Variants in SLC35G2 observed in about 807,000 individuals in gnomAD.
SLC35G2 encodes transmembrane protein 22.
Under a neutral mutation model 27.2 loss-of-function variants are expected in SLC35G2, and 20 were observed. The ratio of observed to expected loss-of-function variants is 0.74; its 90% CI spans 0.52 to 1.07. The LOEUF is 1.07. SLC35G2 is among the 50% of genes least tolerant of loss of function. The pLI is 0.00. For missense variants in SLC35G2, 416 were observed against 493.3 expected, an observed-to-expected ratio of 0.84 and a Z score of 1.48; for synonymous variants, 148 against 165.3, an observed-to-expected ratio of 0.90 and a Z score of 0.80.
At position 136,844,524 on chromosome 3, in the gene SLC35G2, C is replaced by T. The variant is rs1470395559; in HGVS notation, c.-18-9919C>T. 2.1e-5 allele frequency among the ~76,000 whole-genome samples: 3 copies of T among 142,518 alleles called. No individual in the cohort carries two copies. The East Asian group carries it at 6.4e-4, about 30-fold the overall frequency. The allele number at this position is 142,518 out of a possible 152,430, so 93.5% of individuals were successfully genotyped here. A position where few individuals can be genotyped will look rare whatever the true frequency, so the allele number is the denominator to read the frequency against. ...AAAAACAACAAATTTGTTGACTGGGCGTGGTGGCTCACACATGTAATCCCA... is the reference window on the plus strand; with the variant it reads ...AAAAACAACAAATTTGTTGACTGGGTGTGGTGGCTCACACATGTAATCCCA... On this transcript the variant is annotated intron_variant, in intron 1 of 1. Coordinates refer to ENST00000446465, the MANE Select transcript of SLC35G2 (RefSeq NM_025246.3).
chr3:136,825,291 C>T (rs1179086408), intron 1 of SLC35G2, among the ~76,000 whole-genome samples: 1 of 144,386 alleles, frequency 6.9e-6, no homozygotes, highest in African/African-American at 2.6e-5. Context: ...TTCTGGCTGG[C>T]GTGCAGTGGT....
chr3:136,837,862 CAAG>C, intron 1 of SLC35G2: 1 of 137,344 alleles, frequency 7.3e-6, no homozygotes, highest in South Asian at 2.3e-4. Flanking sequence ...TTTTTTGAAA[CAAG>C]GTCTTGCTCT....
chr3:136,854,359 C>T, intron 1 of SLC35G2, 84 bp from the exon 2 acceptor site: 1 of 877,718 alleles, frequency 1.1e-6, no homozygotes, highest in Non-Finnish European at 1.7e-6. Context: ...TACTTTCTAT[C>T]ATTGAATTGA....
intron 1 of SLC35G2, among the ~76,000 whole-genome samples, chr3:136,824,560 A>G (rs553202697): frequency 6.6e-6 from 1 of 152,200 alleles, no homozygotes; most frequent in Non-Finnish European, 1.5e-5. Flanking sequence ...TGACTTTTGT[A>G]TGTTGATTTT....
intron 1 of SLC35G2, among the ~76,000 whole-genome samples, chr3:136,852,250 C>A (rs754783256): frequency 6.6e-6 from 1 of 152,104 alleles, no homozygotes; most frequent in Non-Finnish European, 1.5e-5. Context: ...ATGGGACATC[C>A]AGGCTAGGAA....
chr3:136,855,119 A>C lies in SLC35G2; in HGVS notation c.659A>C (p.Tyr220Ser), dbSNP rs1158632183. Residue 220 changes from tyrosine to serine, a missense_variant, in exon 2 of 2, where the codon TAT becomes TCT. Tyr to Ser is a moderately radical substitution (Grantham distance 144). Coordinates refer to ENST00000446465, the MANE Select transcript of SLC35G2 (RefSeq NM_025246.3). ...AFLLVDEKMA[Y>S]VDMATVVCSI... ...TTACTCGTAGATGAGAAAATGGCTT[A>C]TGTTGACATGGCTACAGTTGTTTGC... is the stretch of plus-strand genomic sequence containing the variant. The C allele has an allele frequency of 6.2e-7, 1 of 1,614,172 alleles. No individual in the cohort carries two copies. The highest frequency in any genetic ancestry group is 1.1e-5 in the South Asian group (1 of 91,084).
intron 1 of SLC35G2, among the ~76,000 whole-genome samples, chr3:136,832,459 T>G (rs1936753800): frequency 6.6e-6 from 1 of 152,248 alleles, no homozygotes; most frequent in Non-Finnish European, 1.5e-5. Context: ...ATTCTGATGT[T>G]AAAGCAAATC....
chr3:136,849,112 A>G (rs1937517956), intron 1 of SLC35G2, among the ~76,000 whole-genome samples: 1 of 151,510 alleles, frequency 6.6e-6, no homozygotes, highest in Non-Finnish European at 1.5e-5. Context: ...CCGGAGGTGG[A>G]GGTTGTAGTG....
At chr3:136,834,566 G>GT (rs1936814554) in intron 1 of SLC35G2, among the ~76,000 whole-genome samples, 2 of 152,124 alleles carry the variant, frequency 1.3e-5, no homozygotes. Context: ...CTGACCTCAG[G>GT]TGATCAGCCC....
chr3:136,820,966 A>T (rs936251548), intron 1 of SLC35G2, among the ~76,000 whole-genome samples: 5 of 134,286 alleles, frequency 3.7e-5, no homozygotes, highest in African/African-American at 1.3e-4. Context: ...TAAGAACAAC[A>T]TATAAATAAT....
At chr3:136,852,199 C>T (rs1331948008) in intron 1 of SLC35G2, among the ~76,000 whole-genome samples, 1 of 131,612 alleles carries the variant, frequency 7.6e-6, no homozygotes, top group African/African-American at 2.8e-5. Context: ...AAAGAACAGT[C>T]AGATTAGCCT....
At chr3:136,851,854 A>G (rs1317428039) in intron 1 of SLC35G2, among the ~76,000 whole-genome samples, 3 of 152,218 alleles carry the variant, frequency 2.0e-5, no homozygotes. Flanking sequence ...CTGGGATTCA[A>G]GGGAGGCTAG....
chr3:136,842,412 A>G (rs1937137440), intron 1 of SLC35G2: 1 of 152,244 alleles, frequency 6.6e-6, no homozygotes, highest in African/African-American at 2.4e-5. Context: ...ACAACTTTGC[A>G]GAGATGCTGA....
At chr3:136,822,638 A>G (rs558998126) in intron 1 of SLC35G2, among the ~76,000 whole-genome samples, 13 of 152,112 alleles carry the variant, frequency 8.5e-5, no homozygotes, top group African/African-American at 3.1e-4. Flanking sequence ...CATGAGTTCA[A>G]TTTTTTTGAT....
At chr3:136,846,937 C>T (rs539239517) in intron 1 of SLC35G2, among the ~76,000 whole-genome samples, 257 of 152,178 alleles carry the variant, frequency 1.7e-3, no homozygotes, top group African/African-American at 4.4e-3. Context: ...TGCGCTAAGG[C>T]GAGTGAATCA....
chr3:136,838,675 T>G (rs1050352350), intron 1 of SLC35G2: 87 of 152,330 alleles, frequency 5.7e-4, no homozygotes, highest in African/African-American at 1.9e-3. Context: ...GGCTTTTTTG[T>G]GGATAAATAG....
intron 1 of SLC35G2, chr3:136,841,731 CAA>C (rs1491304080): frequency 6.1e-5 from 6 of 98,762 alleles, no homozygotes; most frequent in African/African-American, 1.9e-4. Context: ...AACTCCGCCT[CAA>C]AATAAATAAA....
At chr3:136,844,693 G>C (rs10935199) in intron 1 of SLC35G2, among the ~76,000 whole-genome samples, 52,482 of 149,594 alleles carry the variant, frequency 0.35, 11,357 homozygotes, top group East Asian at 0.75. Context: ...CCAGCTACTC[G>C]TGAGGCTGAG....
At chr3:136,829,729 AAT>A (rs1936676443) in intron 1 of SLC35G2, among the ~76,000 whole-genome samples, 1 of 152,054 alleles carries the variant, frequency 6.6e-6, no homozygotes, top group East Asian at 1.9e-4. Context: ...TGGCACTTTA[AAT>A]ATGTCTTGCC....
Sources: gnomAD v4.1 joint callset for allele counts (sites outside exome capture counted in the v4.1 genomes callset) on GRCh38, gnomAD v4.1.1 for gene constraint, MANE v1.5 for transcripts, NCBI Gene and HGNC (gene_info 2026-07-23, HGNC 2026-07-21) for gene names.